GPI: variants seen among roughly 807,000 people sequenced by gnomAD.
GPI encodes the protein D-hexose-6-phosphate anomerase.
A neutral mutation model predicts 75.8 loss-of-function variants in GPI; 56 were observed. The observed-to-expected ratio is 0.74, with a 90% confidence interval of 0.60 to 0.92. The LOEUF is 0.92. GPI is among the 40% of genes least tolerant of loss of function. The pLI is 0.00. For missense variants in GPI, 638 were observed against 741.0 expected (o/e 0.86, Z 1.61); for synonymous variants, 288 against 285.4 (o/e 1.01, Z -0.09).
At chr19:34,375,608 C>G (rs1194161784) in intron 4 of GPI, among the ~76,000 whole-genome samples, 3 of 152,202 alleles carry the variant, frequency 2.0e-5, no homozygotes, top group Non-Finnish European at 4.4e-5. Flanking sequence ...GAGGACCCCC[C>G]TCTAAAGTGT....
upstream of GPI, among the ~76,000 whole-genome samples, chr19:34,361,892 G>C (rs533678841): frequency 6.6e-6 from 1 of 151,986 alleles, no homozygotes. Flanking sequence ...TGAGGCAGAC[G>C]GATCACGAGG....
At position 34,377,666 on chromosome 19, in the gene GPI, T is replaced by C. The variant is rs759836489; in HGVS notation, c.487-69T>C. ...CTCAGGTCTTTACTTTCTCCAGGGA[T>C]GGGACCTGGCTGTCTCCACTTTTCG... is the stretch of plus-strand genomic sequence containing the variant. On this transcript the variant is annotated intron_variant, in intron 5 of 17. Transcript: ENST00000356487. 2.6e-5 allele frequency: 42 copies of C among 1,589,424 alleles called. No homozygotes were observed. In the East Asian group the frequency reaches 8.9e-4, roughly 34 times the overall value.
At chr19:34,381,302 C>T (rs2074647178) in intron 8 of GPI, 164 bp from the exon 9 acceptor site, 1 of 704,208 alleles carries the variant, frequency 1.4e-6, no homozygotes, top group Admixed American at 2.0e-5. Flanking sequence ...GATCCTGGGC[C>T]CTGCCCTCGA....
intron 4 of GPI, among the ~76,000 whole-genome samples, chr19:34,370,024 T>C (rs1032024447): frequency 6.6e-6 from 1 of 152,258 alleles, no homozygotes; most frequent in Non-Finnish European, 1.5e-5. Context: ...CGTACACATG[T>C]GCACATGCAC....
intron 9 of GPI, among the ~76,000 whole-genome samples, chr19:34,385,062 G>A (rs2074713403): frequency 6.6e-6 from 1 of 151,058 alleles, no homozygotes; most frequent in Admixed American, 6.6e-5. Context: ...AGCGGGGGTT[G>A]GGTGTGGTGG....
At chr19:34,365,816 G>C (rs756216935) in intron 1 of GPI, 7 of 472,400 alleles carry the variant, frequency 1.5e-5, no homozygotes, top group South Asian at 7.7e-5. Flanking sequence ...GCCCGGGCGG[G>C]GGTGTTTGAG....
At chr19:34,380,310 A>G (rs1238525040) in intron 8 of GPI, among the ~76,000 whole-genome samples, 8 of 145,390 alleles carry the variant, frequency 5.5e-5, no homozygotes, top group African/African-American at 5.2e-5. Flanking sequence ...TTTTGAGACA[A>G]GGTCACTCTG....
chr19:34,393,188 C>T lies in GPI; in HGVS notation c.805-60C>T, dbSNP rs2074890913. ...GCAAGACCAGGGACAGGGTTTCCGG[C>T]AGGAGGTGGGGGGCGGGGTGTGCCG... On this transcript the variant is annotated intron_variant, in intron 9 of 17. Transcript: ENST00000356487. This position sits in a 1 kb window ranked among gnomAD's most constrained non-coding sequence, Gnocchi z 4.4. 3 of 1,325,160 alleles carry T rather than the reference C, an allele frequency of 2.3e-6. No homozygotes were observed. The highest frequency in any genetic ancestry group is 2.3e-5 in the East Asian group (1 of 43,584). The allele number at this position is 1,325,160 out of a possible 1,614,324, so 82.1% of individuals were successfully genotyped here. A position where few individuals can be genotyped will look rare whatever the true frequency, so the allele number is the denominator to read the frequency against.
upstream of GPI, among the ~76,000 whole-genome samples, chr19:34,361,879 G>T (rs1203158016): frequency 6.6e-6 from 1 of 152,090 alleles, no homozygotes; most frequent in Non-Finnish European, 1.5e-5. Flanking sequence ...CACTTTGGGA[G>T]GCTGAGGCAG....
At chr19:34,371,025 A>G (rs758511653) in intron 4 of GPI, among the ~76,000 whole-genome samples, 2 of 152,208 alleles carry the variant, frequency 1.3e-5, no homozygotes, top group African/African-American at 4.8e-5. Context: ...CTTTCCAGCC[A>G]TCTGCTGTGA....
At position 34,377,732 on chromosome 19, in the gene GPI, C is replaced by T. The variant is rs998003065; in HGVS notation, c.487-3C>T. On this transcript the variant is annotated splice_region_variant and splice_polypyrimidine_tract_variant and intron_variant, in intron 5 of 17. Transcript: ENST00000356487. ...TATTCTCTGATGCTATGTCTCCCCG[C>T]AGGGACCCCTCATGGTGACTGAAGC... 17 of 1,613,810 alleles carry T rather than the reference C, an allele frequency of 1.1e-5. No individual in the cohort carries two copies. Among genetic ancestry groups the T allele is most frequent in the African/African-American group, 1.3e-5 (1 of 74,886 alleles).
intron 4 of GPI, among the ~76,000 whole-genome samples, chr19:34,376,340 G>A (rs1011259486): frequency 2.6e-5 from 4 of 152,180 alleles, no homozygotes; most frequent in African/African-American, 9.7e-5. Context: ...TGGATCACCT[G>A]AGGTCAGGAG....
rs2074596922 is a variant in GPI at position 34,378,973 on chromosome 19, G to T, written c.673G>T (p.Ala225Ser). ...GGAGACCATCACGAATGCAGAGACG[G>T]CGAAGGAGTGGTTTCTCCAGGCGGC... is the stretch of plus-strand genomic sequence containing the variant. ...TQETITNAET[A>S]KEWFLQAAKD... The change falls in exon 7 of 18, where the codon GCG becomes TCG. Residue 225 changes from alanine (A) to serine (S), a missense_variant. By Grantham distance (99) the Ala-to-Ser change is moderately conservative (BLOSUM62 1). Coordinates refer to ENST00000356487, the MANE Select transcript of GPI (RefSeq NM_000175.5). 1 of 1,614,224 alleles carries T rather than the reference G, an allele frequency of 6.2e-7. No homozygotes were observed. Among genetic ancestry groups the T allele is most frequent in the East Asian group, 2.2e-5 (1 of 44,884 alleles).
chr19:34,374,275 G>T (rs2074499823), intron 4 of GPI, among the ~76,000 whole-genome samples: 1 of 151,348 alleles, frequency 6.6e-6, no homozygotes, highest in Admixed American at 6.6e-5. Context: ...GAACCACCAC[G>T]CCCGGCTACA....
intron 4 of GPI, among the ~76,000 whole-genome samples, chr19:34,377,229 GAGGCAGAGATTGC>G (rs1453934406): frequency 2.1e-5 from 3 of 141,956 alleles, no homozygotes; most frequent in African/African-American, 8.0e-5. Context: ...GTGAACCTGG[GAGGCAGAGATTGC>G]AGGGAGCCGA....
Position 34,393,357 on chromosome 19 carries a change from GTC to G in GPI, c.865+51_865+52del. On this transcript the variant is annotated intron_variant, in intron 10 of 17. Transcript: ENST00000356487. The surrounding 1 kb of genome is among the most constrained non-coding windows in gnomAD (Gnocchi z 4.4). ...AGCCCCTGTGGGAGACAGTGTTGCAGTCTAAGGTCGGGGTAGGGGGCTTGTGT... is the reference window on the plus strand; with the variant it reads ...AGCCCCTGTGGGAGACAGTGTTGCAGTAAGGTCGGGGTAGGGGGCTTGTGT... 1 of 1,450,104 alleles carries G rather than the reference GTC, an allele frequency of 6.9e-7. No homozygotes were observed. The highest frequency in any genetic ancestry group is 1.1e-5 in the South Asian group (1 of 87,900). 89.8% of individuals were successfully genotyped at this position (1,450,104 alleles called of 1,614,324 possible). A position where few individuals can be genotyped will look rare whatever the true frequency, so the allele number is the denominator to read the frequency against.
Position 34,399,217 on chromosome 19 carries a change from C to A in GPI, c.1280C>A (p.Ala427Asp). The A allele has an allele frequency of 6.2e-7, 1 of 1,613,220 alleles. No individual in the cohort carries two copies. The highest frequency in any genetic ancestry group is 8.5e-7 in the Non-Finnish European group (1 of 1,179,876). Residue 427 changes from alanine to aspartate, a missense_variant, in exon 15 of 18, where the codon GCC becomes GAC. Ala to Asp is a moderately radical substitution (Grantham distance 126). Coordinates refer to ENST00000356487, the MANE Select transcript of GPI (RefSeq NM_000175.5). ...RKGLHHKILL[A>D]NFLAQTEALM... ...TGTCTCGCTCATCAGATCCTCCTGGCCAACTTCTTGGCCCAGACAGAGGCC... is the reference window on the plus strand; with the variant it reads ...TGTCTCGCTCATCAGATCCTCCTGGACAACTTCTTGGCCCAGACAGAGGCC...
intron 8 of GPI, 163 bp downstream of exon 8, chr19:34,379,725 C>T (rs1036572553): frequency 4.8e-5 from 36 of 745,720 alleles, no homozygotes; most frequent in African/African-American, 8.6e-5. Context: ...TTGCCTTTTC[C>T]GCATTTACCC....
chr19:34,388,018 A>G (rs146266966), intron 9 of GPI, among the ~76,000 whole-genome samples: 1 of 152,162 alleles, frequency 6.6e-6, no homozygotes, highest in East Asian at 1.9e-4. Flanking sequence ...TGTCTAGGGA[A>G]CCCTAAAGAT....
Sources: allele counts gnomAD v4.1 joint callset (sites outside exome capture counted in the v4.1 genomes callset), GRCh38; gene constraint gnomAD v4.1.1; non-coding constraint Gnocchi (gnomAD v3.1); transcripts MANE v1.5; gene names NCBI Gene and HGNC (gene_info 2026-07-23, HGNC 2026-07-21).